Variants in C1GALT1 observed in about 807,000 individuals in gnomAD.
C1GALT1 encodes glycoprotein-N-acetylgalactosamine 3-beta-galactosyltransferase 1.
A neutral mutation model predicts 31.0 loss-of-function variants in C1GALT1; 11 were observed. The ratio of observed to expected loss-of-function variants is 0.36; its 90% CI spans 0.22 to 0.59. The LOEUF (loss-of-function observed/expected upper bound fraction) is 0.59. Among genes scored for constraint, C1GALT1 ranks in the 20% least tolerant of loss-of-function variants. The pLI is 0.79. For synonymous variants in C1GALT1, 175 were observed against 143.6 expected (o/e 1.22, Z -1.56); for missense variants, 424 against 425.2 (o/e 1.00, Z 0.03).
At chr7:7,217,777 A>T (rs570740192) in intron 1 of C1GALT1, among the ~76,000 whole-genome samples, 4 of 151,856 alleles carry the variant, frequency 2.6e-5, no homozygotes, top group Non-Finnish European at 5.9e-5. Context: ...CTCACGTGAT[A>T]CTCCCACCTT....
chr7:7,192,055 A>G (rs1469728246), intron 1 of C1GALT1, among the ~76,000 whole-genome samples: 1 of 152,038 alleles, frequency 6.6e-6, no homozygotes, highest in South Asian at 2.1e-4. Context: ...ATATAATGTC[A>G]TGAAGCTCTT....
At chr7:7,162,163 G>A (rs1780340908) in intron 2 of C1GALT1, among the ~76,000 whole-genome samples, 1 of 146,476 alleles carries the variant, frequency 6.8e-6, no homozygotes, top group Non-Finnish European at 1.5e-5. Context: ...TGTGCACAAT[G>A]TGCAGGTTAG....
chr7:7,208,843 G>C (rs1781869026), intron 1 of C1GALT1, among the ~76,000 whole-genome samples: 1 of 152,218 alleles, frequency 6.6e-6, no homozygotes, highest in Non-Finnish European at 1.5e-5. Context: ...GGTGGGGTGG[G>C]GTCGGTAGCT....
intron 2 of C1GALT1, among the ~76,000 whole-genome samples, chr7:7,165,861 T>G (rs112335883): frequency 8.9e-4 from 135 of 152,284 alleles, no homozygotes; most frequent in African/African-American, 3.1e-3. Flanking sequence ...AAAAACTCAT[T>G]TCATGCACAA....
At chr7:7,158,251 C>G (rs1780295130) in intron 2 of C1GALT1, among the ~76,000 whole-genome samples, 1 of 152,154 alleles carries the variant, frequency 6.6e-6, no homozygotes, top group African/African-American at 2.4e-5. Flanking sequence ...GAAGAGTGGT[C>G]TCTAGTCTCC....
At chr7:7,163,512 G>T (rs1780360405) in intron 2 of C1GALT1, among the ~76,000 whole-genome samples, 1 of 152,154 alleles carries the variant, frequency 6.6e-6, no homozygotes, top group Non-Finnish European at 1.5e-5. Context: ...ATTAGGAAAA[G>T]GGGAAGTCAA....
At chr7:7,200,863 T>C (rs962863354) in intron 1 of C1GALT1, among the ~76,000 whole-genome samples, 2 of 152,206 alleles carry the variant, frequency 1.3e-5, no homozygotes, top group African/African-American at 4.8e-5. Flanking sequence ...ATTTAAGGAC[T>C]TCCCTACGCT....
rs1303149195 is a variant in C1GALT1 at position 7,197,617 on chromosome 7, A to G, written c.-18+14797A>G. Among the ~76,000 whole-genome samples, 6 of 152,260 alleles carry G rather than the reference A, an allele frequency of 3.9e-5. No individual in the cohort carries two copies. In the South Asian group the frequency reaches 6.2e-4, roughly 16 times the overall value. ...GCTTGATGGGGATGGCATTGAATCTATAAATTACCTTGGGCAGTATGGCCA... is the reference window on the plus strand; with the variant it reads ...GCTTGATGGGGATGGCATTGAATCTGTAAATTACCTTGGGCAGTATGGCCA... On this transcript the variant is annotated intron_variant, in intron 1 of 3. Coordinates refer to ENST00000436587, the MANE Select transcript of C1GALT1 (RefSeq NM_020156.5).
intron 2 of C1GALT1, among the ~76,000 whole-genome samples, chr7:7,171,679 C>A (rs1009601440): frequency 3.3e-5 from 5 of 151,870 alleles, no homozygotes; most frequent in African/African-American, 1.2e-4. Flanking sequence ...TTATTGCCTT[C>A]TTTTATGTTT....
chr7:7,182,268 A>G (rs564211328), upstream of C1GALT1, among the ~76,000 whole-genome samples: 1 of 152,260 alleles, frequency 6.6e-6, no homozygotes, highest in South Asian at 2.1e-4. Flanking sequence ...CTCGCTCCCT[A>G]TTGTTACCCT....
intron 1 of C1GALT1, among the ~76,000 whole-genome samples, chr7:7,187,185 C>G (rs1780853427): frequency 6.6e-6 from 1 of 152,102 alleles, no homozygotes; most frequent in Non-Finnish European, 1.5e-5. Context: ...TCATCCCACT[C>G]CAGTTACCCA....
chr7:7,193,815 A>G (rs1781174072), intron 1 of C1GALT1, among the ~76,000 whole-genome samples: 1 of 152,118 alleles, frequency 6.6e-6, no homozygotes, highest in African/African-American at 2.4e-5. Context: ...TGAGCATGGA[A>G]TGTGTTTCCA....
At chr7:7,208,597 TC>T (rs771137833) in intron 1 of C1GALT1, among the ~76,000 whole-genome samples, 21 of 152,124 alleles carry the variant, frequency 1.4e-4, no homozygotes, top group Non-Finnish European at 2.2e-4. Flanking sequence ...GCCTTTAAGT[TC>T]CTTGGCAGTT....
intron 1 of C1GALT1, among the ~76,000 whole-genome samples, chr7:7,218,919 C>T (rs1029992264): frequency 2.0e-4 from 31 of 151,772 alleles, no homozygotes; most frequent in Non-Finnish European, 2.6e-4. Flanking sequence ...CTGCAAGCTC[C>T]GCCTCCGCAG....
At position 7,233,133 on chromosome 7, in the gene C1GALT1, G is replaced by A. The variant is rs1164634739; in HGVS notation, c.-17-1170G>A. 2.6e-5 allele frequency among the ~76,000 whole-genome samples: 4 copies of A among 152,192 alleles called. No individual in the cohort carries two copies. The East Asian group carries it at 7.7e-4, about 29-fold the overall frequency. ...AATTGTTAACAAAAGCTTAAAAAGGGCGTTTATGTCAATGTTTGGTTGTGG... is the reference window on the plus strand; with the variant it reads ...AATTGTTAACAAAAGCTTAAAAAGGACGTTTATGTCAATGTTTGGTTGTGG... On this transcript the variant is annotated intron_variant, in intron 1 of 3. Coordinates refer to ENST00000436587, the MANE Select transcript of C1GALT1 (RefSeq NM_020156.5).
intron 1 of C1GALT1, among the ~76,000 whole-genome samples, chr7:7,215,098 AAGTATTGCC>A (rs1276961168): frequency 6.6e-6 from 1 of 152,148 alleles, no homozygotes; most frequent in Non-Finnish European, 1.5e-5. Context: ...GACTAAAACA[AAGTATTGCC>A]ACGCGGTTAC....
At chr7:7,220,401 C>T (rs1038690435) in intron 1 of C1GALT1, among the ~76,000 whole-genome samples, 1 of 152,212 alleles carries the variant, frequency 6.6e-6, no homozygotes, top group African/African-American at 2.4e-5. Flanking sequence ...TCCCAGTCCC[C>T]AGACCTGTAT....
chr7:7,203,394 C>A (rs910820206), intron 1 of C1GALT1, among the ~76,000 whole-genome samples: 1 of 152,028 alleles, frequency 6.6e-6, no homozygotes, highest in Non-Finnish European at 1.5e-5. Flanking sequence ...GTGTTTATAT[C>A]ATGAAAGCAT....
At chr7:7,202,857 A>C (rs1781578558) in intron 1 of C1GALT1, among the ~76,000 whole-genome samples, 1 of 152,168 alleles carries the variant, frequency 6.6e-6, no homozygotes, top group Non-Finnish European at 1.5e-5. Flanking sequence ...ATTGATGAAC[A>C]TGTAATGTCT....
Sources: allele counts gnomAD v4.1 joint callset (sites outside exome capture counted in the v4.1 genomes callset), GRCh38; gene constraint gnomAD v4.1.1; transcripts MANE v1.5; gene names NCBI Gene and HGNC (gene_info 2026-07-23, HGNC 2026-07-21).